PHF20: variants seen among roughly 807,000 people sequenced by gnomAD.
PHF20 encodes the protein PHD finger protein 20, also known as glioma-expressed antigen 2.
Under a neutral mutation model 113.5 loss-of-function variants are expected in PHF20, and 23 were observed. The observed-to-expected ratio is 0.20, with a 90% CI of 0.15 to 0.29. The LOEUF (loss-of-function observed/expected upper bound fraction) is 0.29, where lower values mean the gene tolerates loss of function less well. Ranked by LOEUF, PHF20 falls within the 10% of genes least tolerant of loss-of-function variation. PHF20 has a pLI of 1.00. For synonymous variants in PHF20, 434 were observed against 457.3 expected, an observed-to-expected ratio of 0.95 and a Z score of 0.65; for missense variants, 943 against 1,219.6, an observed-to-expected ratio of 0.77 and a Z score of 3.38.
chr20:35,864,307 A>G (rs759406852), intron 6 of PHF20, among the ~76,000 whole-genome samples: 22 of 151,832 alleles, frequency 1.4e-4, no homozygotes, highest in Admixed American at 3.3e-4. Context: ...GCGTTGGTGC[A>G]TGTTTGTTGT....
chr20:35,889,016 T>C (rs1162129725), intron 9 of PHF20, among the ~76,000 whole-genome samples: 2 of 73,960 alleles, frequency 2.7e-5, no homozygotes, highest in African/African-American at 8.5e-5. Context: ...TTTCTTTTTT[T>C]TTTTTTTTTT....
chr20:35,792,680 C>G (rs2041581484), intron 1 of PHF20, among the ~76,000 whole-genome samples: 1 of 152,112 alleles, frequency 6.6e-6, no homozygotes, highest in South Asian at 2.1e-4. Context: ...AAGATACGCT[C>G]TTTATGCACT....
chr20:35,932,020 A>G (rs781345906), intron 15 of PHF20, among the ~76,000 whole-genome samples: 4 of 150,546 alleles, frequency 2.7e-5, no homozygotes, highest in Non-Finnish European at 5.9e-5. Flanking sequence ...GAATCAATAC[A>G]TGGTGTGTGT....
intron 14 of PHF20, chr20:35,928,743 T>G (rs934325113): frequency 6.6e-6 from 1 of 152,202 alleles, no homozygotes; most frequent in African/African-American, 2.4e-5. Flanking sequence ...TGGGGGCTAT[T>G]GGAGGGTTAG....
At chr20:35,853,619 A>G (rs74355238) in intron 4 of PHF20, among the ~76,000 whole-genome samples, 17,036 of 152,098 alleles carry the variant, frequency 0.11, 1,006 homozygotes, top group South Asian at 0.16. Flanking sequence ...TTGGCTGGAC[A>G]TGTTGGTGCA....
At chr20:35,802,289 C>A (rs1396377416) in intron 2 of PHF20, among the ~76,000 whole-genome samples, 1 of 151,760 alleles carries the variant, frequency 6.6e-6, no homozygotes, top group Non-Finnish European at 1.5e-5. Context: ...AGAATTTGGT[C>A]ATTTTTTGGT....
chr20:35,784,530 G>A (rs2041370524), intron 1 of PHF20, among the ~76,000 whole-genome samples: 2 of 140,834 alleles, frequency 1.4e-5, no homozygotes, highest in Non-Finnish European at 3.0e-5. Context: ...TCTGCCTTCC[G>A]GGCTCAAGAG....
rs1658834568 is a variant in PHF20 at position 35,947,784 on chromosome 20, C to G, written c.*157C>G. 2 of 731,038 alleles carry G rather than the reference C, an allele frequency of 2.7e-6. No individual in the cohort carries two copies. The highest frequency in any genetic ancestry group is 1.8e-5 in the African/African-American group (1 of 56,320). 45.3% of individuals were successfully genotyped at this position (731,038 alleles called of 1,614,324 possible). ...GTGTGGTGGACATTGGACAAAGAGG[C>G]CATTTTGGCTGCGGGAGGACACTCT... On this transcript the variant is annotated 3_prime_UTR_variant, in exon 18 of 18. Transcript: ENST00000374012.
intron 13 of PHF20, among the ~76,000 whole-genome samples, chr20:35,923,613 C>T (rs1269697870): frequency 3.3e-5 from 5 of 152,294 alleles, no homozygotes; most frequent in South Asian, 2.1e-4. Context: ...CTACCCATTC[C>T]GTAGAGTCAG....
chr20:35,823,527 G>T (rs767981963), intron 2 of PHF20, among the ~76,000 whole-genome samples: 2 of 150,674 alleles, frequency 1.3e-5, no homozygotes, highest in Non-Finnish European at 3.0e-5. Flanking sequence ...AGGAGGCTGG[G>T]GTGGGAGGAA....
intron 10 of PHF20, among the ~76,000 whole-genome samples, chr20:35,907,187 G>A (rs540744039): frequency 4.1e-4 from 62 of 152,226 alleles, no homozygotes; most frequent in Admixed American, 3.5e-3. Context: ...TGGAAGCGGC[G>A]GTCTGATGAC....
chr20:35,847,176 A>G (rs896613894), intron 3 of PHF20, among the ~76,000 whole-genome samples, 174 bp from the exon 4 acceptor site: 1 of 152,144 alleles, frequency 6.6e-6, no homozygotes, highest in Non-Finnish European at 1.5e-5. Context: ...TGACACCGAA[A>G]TTATAGCAAC....
At chr20:35,823,061 A>G (rs2042197910) in intron 2 of PHF20, among the ~76,000 whole-genome samples, 1 of 152,006 alleles carries the variant, frequency 6.6e-6, no homozygotes, top group South Asian at 2.1e-4. Flanking sequence ...TGACAAATGT[A>G]TAATGTATAT....
At chr20:35,906,706 G>C (rs554579961) in intron 10 of PHF20, among the ~76,000 whole-genome samples, 26 of 152,174 alleles carry the variant, frequency 1.7e-4, no homozygotes, top group Non-Finnish European at 3.4e-4. Context: ...CAACCCAGAA[G>C]TGCCACACAT....
At chr20:35,853,576 C>T (rs1052157569) in intron 4 of PHF20, among the ~76,000 whole-genome samples, 10 of 151,924 alleles carry the variant, frequency 6.6e-5, no homozygotes, top group East Asian at 1.9e-4. Flanking sequence ...CCCAATGCCC[C>T]GCTATCTCTA....
chr20:35,921,488 G>A (rs926695744), intron 13 of PHF20, among the ~76,000 whole-genome samples: 29 of 152,028 alleles, frequency 1.9e-4, no homozygotes, highest in African/African-American at 7.0e-4. Context: ...TTCGAGACCA[G>A]CCCTGGAAAC....
At chr20:35,891,000 A>G (rs760934738) in intron 9 of PHF20, among the ~76,000 whole-genome samples, 5 of 152,236 alleles carry the variant, frequency 3.3e-5, no homozygotes, top group African/African-American at 7.2e-5. Flanking sequence ...TTCCCATTTA[A>G]CAATGAGGAA....
chr20:35,912,320 T>C (rs1386226807), intron 10 of PHF20, among the ~76,000 whole-genome samples: 2 of 152,134 alleles, frequency 1.3e-5, no homozygotes, highest in East Asian at 3.9e-4. Flanking sequence ...TTTTGAAAAC[T>C]GATCTCAGTA....
At chr20:35,924,848 G>A (rs777408251) in intron 13 of PHF20, among the ~76,000 whole-genome samples, 5 of 150,712 alleles carry the variant, frequency 3.3e-5, no homozygotes, top group Non-Finnish European at 4.4e-5. Flanking sequence ...ATATCCTCCC[G>A]CCTCGGCCTC....
Sources: gnomAD v4.1 joint callset for allele counts (sites outside exome capture counted in the v4.1 genomes callset) on GRCh38, gnomAD v4.1.1 for gene constraint, MANE v1.5 for transcripts, NCBI Gene and HGNC (gene_info 2026-07-23, HGNC 2026-07-21) for gene names.